ASCC3: variants seen among roughly 807,000 people sequenced by gnomAD.
ASCC3 encodes the protein ASC-1 complex subunit P200.
ASCC3 carries 158 observed loss-of-function variants against 256.3 expected under a neutral mutation model. That is an observed-to-expected ratio of 0.62 (90% CI 0.54 to 0.70). ASCC3 has a LOEUF of 0.70. Among genes scored for constraint, ASCC3 ranks in the 30% least tolerant of loss-of-function variants. The pLI is 0.00. For synonymous variants in ASCC3, 948 were observed against 883.4 expected (o/e 1.07, Z -1.30); for missense variants, 2,259 against 2,626.0 (o/e 0.86, Z 3.05).
At chr6:100,588,415 T>A (rs1771816680) in intron 36 of ASCC3, among the ~76,000 whole-genome samples, 1 of 152,110 alleles carries the variant, frequency 6.6e-6, no homozygotes, top group African/African-American at 2.4e-5. Flanking sequence ...AACAGTCTCT[T>A]CCCCAGAGAA....
chr6:100,527,816 A>ACAC (rs1774658962), intron 37 of ASCC3, among the ~76,000 whole-genome samples: 1 of 151,558 alleles, frequency 6.6e-6, no homozygotes, highest in African/African-American at 2.4e-5. Flanking sequence ...CCATAGATAT[A>ACAC]CACACACATC....
intron 37 of ASCC3, among the ~76,000 whole-genome samples, chr6:100,523,865 C>T (rs1265493911): frequency 1.3e-5 from 2 of 152,016 alleles, no homozygotes; most frequent in African/African-American, 4.8e-5. Context: ...AAGTAAATCC[C>T]ATGAATTTAT....
intron 4 of ASCC3, among the ~76,000 whole-genome samples, chr6:100,811,801 G>C (rs1477620904): frequency 1.3e-5 from 2 of 152,148 alleles, no homozygotes; most frequent in Non-Finnish European, 2.9e-5. Flanking sequence ...TATAGGAGGA[G>C]AGAACTGAGT....
At chr6:100,530,883 A>G in intron 37 of ASCC3, 1 of 1,264,102 alleles carries the variant, frequency 7.9e-7, no homozygotes, top group Non-Finnish European at 1.2e-6. Flanking sequence ...TTTGTGGAAC[A>G]TCACAAACAA....
At chr6:100,875,207 G>A in intron 1 of ASCC3, among the ~76,000 whole-genome samples, 1 of 152,256 alleles carries the variant, frequency 6.6e-6, no homozygotes, top group South Asian at 2.1e-4. Flanking sequence ...GGATTTAGGA[G>A]ATCAGTATAC....
chr6:100,592,171 T>G (rs1238797287), intron 34 of ASCC3, among the ~76,000 whole-genome samples: 1 of 151,586 alleles, frequency 6.6e-6, no homozygotes, highest in Non-Finnish European at 1.5e-5. Context: ...CTAAATGATG[T>G]TTCTGAGATT....
rs747596499 is a variant in ASCC3 at position 100,848,653 on chromosome 6, A to T, written c.296T>A (p.Met99Lys). ...AIESGAAFLF[M>K]TFHLKDSVGH... The stretch of plus-strand genomic sequence containing the variant: ...AACAGAGTCCTTCAAGTGAAATGTC[A>T]TGAAGAGAAATGCAGCCCCACTTTC... The change falls in exon 4 of 42, where the codon ATG (methionine) becomes AAG (lysine). Residue 99 changes from methionine to lysine, a missense_variant. Coordinates refer to ENST00000369162, the MANE Select transcript of ASCC3 (RefSeq NM_006828.4). 9 of 1,613,950 alleles carry T rather than the reference A, an allele frequency of 5.6e-6. No homozygotes were observed. Among genetic ancestry groups the T allele is most frequent in the Non-Finnish European group, 7.6e-6 (9 of 1,180,024 alleles).
chr6:100,763,197 T>A (rs1277840297), intron 10 of ASCC3, among the ~76,000 whole-genome samples: 2 of 152,188 alleles, frequency 1.3e-5, no homozygotes, highest in Non-Finnish European at 2.9e-5. Flanking sequence ...TTTTAATCTG[T>A]AAGAATCTGT....
intron 36 of ASCC3, among the ~76,000 whole-genome samples, chr6:100,575,057 C>T (rs1415848138): frequency 6.6e-6 from 1 of 151,960 alleles, no homozygotes; most frequent in African/African-American, 2.4e-5. Flanking sequence ...GGAAGATATC[C>T]CATTAGGTTT....
At position 100,516,172 on chromosome 6, in the gene ASCC3, G is replaced by T. The variant is rs963819224; in HGVS notation, c.6075+8C>A. The stretch of plus-strand genomic sequence containing the variant: ...GGAGCCTTCAAAACACTTAAGAGAT[G>T]GTCTTACCTGTTTCGTTTTTGCAGC... On this transcript the variant is annotated splice_region_variant and intron_variant, in intron 39 of 41. Coordinates refer to ENST00000369162, the MANE Select transcript of ASCC3 (RefSeq NM_006828.4). The T allele has an allele frequency of 8.7e-6, 14 of 1,613,310 alleles. No homozygotes were observed. The highest frequency in any genetic ancestry group is 1.2e-5 in the Non-Finnish European group (14 of 1,179,562).
At chr6:100,725,480 T>A (rs1263078605) in intron 11 of ASCC3, 59 bp downstream of exon 11, 1 of 1,558,524 alleles carries the variant, frequency 6.4e-7, no homozygotes, top group Non-Finnish European at 8.8e-7. Context: ...AATGCTACAT[T>A]TTAAGTTGAA....
intron 3 of ASCC3, among the ~76,000 whole-genome samples, chr6:100,851,124 A>T (rs1772645064): frequency 6.6e-6 from 1 of 152,112 alleles, no homozygotes; most frequent in Non-Finnish European, 1.5e-5. Flanking sequence ...ATGGAAACAG[A>T]ATTTGAGTAA....
intron 24 of ASCC3, among the ~76,000 whole-genome samples, chr6:100,640,039 C>T (rs192779735): frequency 3.5e-4 from 53 of 152,168 alleles, no homozygotes; most frequent in Non-Finnish European, 5.6e-4. Flanking sequence ...CGCTTGAACC[C>T]GGCGAGTGGT....
At chr6:100,851,691 A>C (rs1159261702) in intron 3 of ASCC3, among the ~76,000 whole-genome samples, 1 of 152,202 alleles carries the variant, frequency 6.6e-6, no homozygotes, top group East Asian at 1.9e-4. Flanking sequence ...ACTCTCCTGC[A>C]CAACCTATGT....
chr6:100,568,897 C>A (rs1024255390), intron 36 of ASCC3, among the ~76,000 whole-genome samples: 1 of 151,668 alleles, frequency 6.6e-6, no homozygotes, highest in African/African-American at 2.4e-5. Context: ...CCTGCCTCAG[C>A]CTCCCGAGTA....
chr6:100,718,042 T>A (rs773635743), intron 12 of ASCC3, 33 bp downstream of exon 12: 3 of 1,596,254 alleles, frequency 1.9e-6, no homozygotes, highest in Non-Finnish European at 2.6e-6. Context: ...TCAACAAAAA[T>A]ATTTTTAGAT....
rs11299576 is a variant in ASCC3, at chr6:100,853,420, C to CTTT, written c.242-4716_242-4714dup. 9.4e-5 allele frequency among the ~76,000 whole-genome samples: 12 copies of CTTT among 127,664 alleles called. 1 individual carries two copies. The highest frequency in any genetic ancestry group is 1.5e-4 in the Non-Finnish European group (9 of 60,544). 83.8% of individuals were successfully genotyped at this position (127,664 alleles called of 152,430 possible). A position where few individuals can be genotyped will look rare whatever the true frequency, so the allele number is the denominator to read the frequency against. On this transcript the variant is annotated intron_variant, in intron 3 of 41. Transcript: ENST00000369162. Reference sequence around the variant, plus strand: ...TTGCATCCATAATTGATAAATATTCCTTTTTTTTTTTTTTTTTTTGAGACG... The same window carrying CTTT: ...TTGCATCCATAATTGATAAATATTCCTTTTTTTTTTTTTTTTTTTTTTGAGACG...
At chr6:100,666,019 C>T (rs1047674690) in intron 14 of ASCC3, among the ~76,000 whole-genome samples, 2 of 152,070 alleles carry the variant, frequency 1.3e-5, no homozygotes, top group African/African-American at 4.8e-5. Context: ...GTACTCCAAC[C>T]CTATAGTTTT....
At chr6:100,682,536 T>C (rs1777357112) in intron 13 of ASCC3, among the ~76,000 whole-genome samples, 1 of 152,152 alleles carries the variant, frequency 6.6e-6, no homozygotes, top group Non-Finnish European at 1.5e-5. Flanking sequence ...AACATGTGGA[T>C]AACGTGGGAA....
Sources: gnomAD v4.1 joint callset for allele counts (sites outside exome capture counted in the v4.1 genomes callset) on GRCh38, gnomAD v4.1.1 for gene constraint, MANE v1.5 for transcripts, NCBI Gene and HGNC (gene_info 2026-07-23, HGNC 2026-07-21) for gene names.